The following SHC3 variants were observed in gnomAD, a reference collection of about 807,000 sequenced individuals.
SHC3 encodes the protein SHC-transforming protein 3.
In SHC3, 15 loss-of-function variants were observed where a neutral mutation model predicts 60.4. That is an observed-to-expected ratio of 0.25 (90% CI 0.17 to 0.38). The LOEUF (loss-of-function observed/expected upper bound fraction) is 0.38. Ranked by LOEUF, SHC3 falls within the 10% of genes least tolerant of loss-of-function variation. SHC3 has a pLI of 1.00. For missense variants in SHC3, 677 were observed against 786.1 expected, an observed-to-expected ratio of 0.86 and a Z score of 1.66; for synonymous variants, 294 against 325.9, an observed-to-expected ratio of 0.90 and a Z score of 1.05.
chr9:89,016,997 T>C (rs1826107420), intron 11 of SHC3, among the ~76,000 whole-genome samples: 1 of 152,094 alleles, frequency 6.6e-6, no homozygotes, highest in Non-Finnish European at 1.5e-5. Flanking sequence ...AAGGTCTTTT[T>C]TTCCCACAAA....
chr9:89,160,664 T>A (rs1442730467), intron 1 of SHC3, among the ~76,000 whole-genome samples: 3 of 152,190 alleles, frequency 2.0e-5, no homozygotes, highest in Non-Finnish European at 2.9e-5. Flanking sequence ...CTGGTAAAAT[T>A]TGGCTATACA....
At chr9:89,131,182 C>T (rs1209594728) in intron 1 of SHC3, among the ~76,000 whole-genome samples, 1 of 152,152 alleles carries the variant, frequency 6.6e-6, no homozygotes, top group Non-Finnish European at 1.5e-5. Flanking sequence ...TTCCTGGACA[C>T]ATACACCCTC....
At chr9:89,127,770 C>A (rs1420740585) in intron 1 of SHC3, among the ~76,000 whole-genome samples, 1 of 149,456 alleles carries the variant, frequency 6.7e-6, no homozygotes, top group Non-Finnish European at 1.5e-5. Flanking sequence ...ATGGCAATGT[C>A]CCCACTCCAC....
At chr9:89,136,852 ACTG>A (rs1826327098) in intron 1 of SHC3, among the ~76,000 whole-genome samples, 1 of 152,144 alleles carries the variant, frequency 6.6e-6, no homozygotes, top group Non-Finnish European at 1.5e-5. Flanking sequence ...ACCATTCTGC[ACTG>A]CTATAAAGAA....
rs1256986017 is a variant in SHC3, at chr9:89,042,073, G to T, written c.1313C>A (p.Ala438Glu). Residue 438 changes from alanine (A) to glutamate (E), a missense_variant, in exon 10 of 12, where the codon GCG becomes GAG. Coordinates refer to ENST00000375835, the MANE Select transcript of SHC3 (RefSeq NM_016848.6). ...TGGGCTGCTCTCAGCACTGCTGACC[G>T]CAGCCGGCCAGGCCTGTGGTGGGAT... ...QQIPPQAWPA[A>E]VSSAESSPRK... The T allele has an allele frequency of 6.2e-7, 1 of 1,606,546 alleles. No homozygotes were observed. The highest frequency in any genetic ancestry group is 8.5e-7 in the Non-Finnish European group (1 of 1,178,100).
chr9:89,152,400 C>A lies in SHC3; in HGVS notation c.474+25587G>T, dbSNP rs561682558. On this transcript the variant is annotated intron_variant, in intron 1 of 11. Transcript: ENST00000375835. ...TTTGAAATTCAAGCAAAATTCTGCT[C>A]CAGAATATTTACGTTTTCAAAATCC... Among the ~76,000 whole-genome samples the A allele has an allele frequency of 1.2e-4, 19 of 152,310 alleles. No individual in the cohort carries two copies. In the South Asian group the frequency reaches 3.9e-3, roughly 32 times the overall value.
At chr9:89,165,108 A>G (rs1430108838) in intron 1 of SHC3, among the ~76,000 whole-genome samples, 1 of 152,248 alleles carries the variant, frequency 6.6e-6, no homozygotes, top group Admixed American at 6.5e-5. Context: ...GTGAATGCCA[A>G]AAAAAGAGAC....
rs537874061 is a variant in SHC3, at chr9:89,071,103, CT to C, written c.783+95del. ...GAAATTAGTTGCCATCACAATTAAC[CT>C]TTTTTACAGTGTCTTGCAAGGCATA... is the stretch of plus-strand genomic sequence containing the variant. On this transcript the variant is annotated intron_variant, in intron 5 of 11. Coordinates refer to ENST00000375835, the MANE Select transcript of SHC3 (RefSeq NM_016848.6). 5.7e-5 allele frequency: 67 copies of C among 1,178,636 alleles called. No homozygotes were observed. The African/African-American group carries it at 9.0e-4, about 16-fold the overall frequency. 73.0% of individuals were successfully genotyped at this position (1,178,636 alleles called of 1,614,324 possible).
At chr9:89,158,723 C>T (rs370617156) in intron 1 of SHC3, among the ~76,000 whole-genome samples, 18 of 152,340 alleles carry the variant, frequency 1.2e-4, no homozygotes, top group African/African-American at 3.8e-4. Flanking sequence ...CATACACATG[C>T]TTTGTTTCAC....
intron 1 of SHC3, among the ~76,000 whole-genome samples, chr9:89,143,280 G>GT (rs1236619613): frequency 3.9e-5 from 6 of 152,186 alleles, no homozygotes; most frequent in African/African-American, 1.4e-4. Flanking sequence ...CATGGCACTG[G>GT]TGGGAGTGTA....
chr9:89,116,238 T>G (rs1008060904), intron 1 of SHC3, among the ~76,000 whole-genome samples: 3 of 152,176 alleles, frequency 2.0e-5, no homozygotes, highest in Non-Finnish European at 4.4e-5. Context: ...AACGTCACCA[T>G]GTTATGAGAC....
intron 11 of SHC3, among the ~76,000 whole-genome samples, chr9:89,029,347 C>T (rs1824432610): frequency 1.3e-5 from 2 of 151,622 alleles, no homozygotes; most frequent in African/African-American, 4.8e-5. Flanking sequence ...TATGTCATTA[C>T]AGAACACAAA....
intron 9 of SHC3, 56 bp from the exon 10 acceptor site, chr9:89,042,240 C>T (rs1199732342): frequency 6.8e-7 from 1 of 1,465,488 alleles, no homozygotes; most frequent in Non-Finnish European, 9.0e-7. Flanking sequence ...ATTCAAGCCA[C>T]CCAGCCTTTC....
intron 1 of SHC3, among the ~76,000 whole-genome samples, chr9:89,119,360 A>G (rs916614541): frequency 6.6e-6 from 1 of 152,128 alleles, no homozygotes; most frequent in Admixed American, 6.6e-5. Context: ...CCATAAATGC[A>G]TCAAACCTGC....
intron 1 of SHC3, among the ~76,000 whole-genome samples, chr9:89,174,350 T>A (rs1467972451): frequency 6.6e-6 from 1 of 152,134 alleles, no homozygotes; most frequent in Non-Finnish European, 1.5e-5. Flanking sequence ...TCAGGAAGGG[T>A]CCAGTGTATC....
intron 1 of SHC3, among the ~76,000 whole-genome samples, chr9:89,117,406 T>C (rs1384112926): frequency 6.6e-6 from 1 of 152,236 alleles, no homozygotes; most frequent in Non-Finnish European, 1.5e-5. Flanking sequence ...AGGTGATTTT[T>C]CTCACATGCT....
intron 10 of SHC3, among the ~76,000 whole-genome samples, chr9:89,041,031 C>T (rs1389143404): frequency 6.6e-6 from 1 of 152,182 alleles, no homozygotes; most frequent in Non-Finnish European, 1.5e-5. Flanking sequence ...ATAAAGATAA[C>T]AGTAGTTATC....
intron 1 of SHC3, among the ~76,000 whole-genome samples, chr9:89,113,130 T>A (rs1321425653): frequency 6.6e-6 from 1 of 152,230 alleles, no homozygotes; most frequent in African/African-American, 2.4e-5. Flanking sequence ...TTTTGGGTTC[T>A]ATGAACTATA....
intron 6 of SHC3, among the ~76,000 whole-genome samples, chr9:89,060,112 G>A (rs1461229843): frequency 6.7e-6 from 1 of 149,996 alleles, no homozygotes; most frequent in East Asian, 2.0e-4. Flanking sequence ...AGGATGTGGT[G>A]GAGGACAATG....
Sources: gnomAD v4.1 joint callset for allele counts (sites outside exome capture counted in the v4.1 genomes callset) on GRCh38, gnomAD v4.1.1 for gene constraint, MANE v1.5 for transcripts, NCBI Gene and HGNC (gene_info 2026-07-23, HGNC 2026-07-21) for gene names.